The following LRRC27 variants were observed in gnomAD, a reference collection of about 807,000 sequenced individuals.
The protein encoded by LRRC27 is leucine rich repeat containing 27.
In LRRC27, 57 loss-of-function variants were observed where a neutral mutation model predicts 55.0. That is an observed-to-expected ratio of 1.04 (90% confidence interval 0.84 to 1.29). LRRC27 has a LOEUF of 1.29. LRRC27 is among the 50% of genes most tolerant of loss of function. LRRC27 has a pLI of 0.00. For missense variants in LRRC27, 721 were observed against 651.5 expected (o/e 1.11, Z -1.16); for synonymous variants, 278 against 251.9 (o/e 1.10, Z -0.98).
intron 10 of LRRC27, among the ~76,000 whole-genome samples, chr10:132,373,342 G>A (rs941681343): frequency 6.6e-6 from 1 of 152,160 alleles, no homozygotes; most frequent in Admixed American, 6.5e-5. Flanking sequence ...GGGAGAAGGT[G>A]CAGGAGGGCT....
rs920082317 is a variant in LRRC27 at position 132,360,625 on chromosome 10, G to A, written c.1171-832G>A. Among the ~76,000 whole-genome samples, 3 of 152,094 alleles carry A rather than the reference G, an allele frequency of 2.0e-5. No individual in the cohort carries two copies. The South Asian group carries it at 6.2e-4, about 32-fold the overall frequency. The stretch of plus-strand genomic sequence containing the variant: ...TCTGGTTGCCGAACACTTTCTAAGT[G>A]TCAGGCATGTACTAGGATTAAACTA... On this transcript the variant is annotated intron_variant, in intron 8 of 10. Transcript: ENST00000368614.
rs2069372047 is a variant in LRRC27 at position 132,378,795 on chromosome 10, C to T, written c.*3553C>T. 6.6e-6 allele frequency: 1 copy of T among 152,596 alleles called. No homozygotes were observed. The highest frequency in any genetic ancestry group is 1.5e-5 in the Non-Finnish European group (1 of 68,224). 9.5% of individuals were successfully genotyped at this position (152,596 alleles called of 1,614,324 possible). A position where few individuals can be genotyped will look rare whatever the true frequency, so the allele number is the denominator to read the frequency against. The stretch of plus-strand genomic sequence containing the variant: ...CCCAGGCCCTGAGCAGCGTGTCTTT[C>T]CTCGGCCGAGTCAGGCTTCCTGGTG... On this transcript the variant is annotated 3_prime_UTR_variant, in exon 11 of 11. Coordinates refer to ENST00000368614, the MANE Select transcript of LRRC27 (RefSeq NM_030626.3).
chr10:132,349,076 C>G (rs1438737177), intron 6 of LRRC27: 1 of 1,536,980 alleles, frequency 6.5e-7, no homozygotes, highest in Non-Finnish European at 8.9e-7. Flanking sequence ...CTGTGGTGTG[C>G]GTGTGTGTGC....
rs1246370839 is a variant in LRRC27, at chr10:132,372,427, G to A, written c.1417-2639G>A. ...ACTAAAAATACAAAAAATTAGCCGG[G>A]CACAGTGGTGTGCACCTGTAATCCC... On this transcript the variant is annotated intron_variant, in intron 10 of 10. Transcript: ENST00000368614. The surrounding 1 kb of genome is among the most constrained non-coding windows in gnomAD (Gnocchi z 4.0). 6.6e-6 allele frequency among the ~76,000 whole-genome samples: 1 copy of A among 152,212 alleles called. No homozygotes were observed. Among genetic ancestry groups the A allele is most frequent in the Non-Finnish European group, 1.5e-5 (1 of 68,040 alleles).
intron 10 of LRRC27, among the ~76,000 whole-genome samples, chr10:132,373,596 G>A (rs569608726): frequency 6.6e-5 from 10 of 152,344 alleles, no homozygotes; most frequent in African/African-American, 2.4e-4. Flanking sequence ...GACGTTTTCA[G>A]ATACGCAAAG....
Position 132,342,271 on chromosome 10 carries a change from G to A in LRRC27, c.400G>A (p.Gly134Arg), listed in dbSNP as rs200971214. 2.2e-5 allele frequency: 34 copies of A among 1,517,580 alleles called. No individual in the cohort carries two copies. The highest frequency in any genetic ancestry group is 2.6e-5 in the Non-Finnish European group (29 of 1,124,748). The allele number at this position is 1,517,580 out of a possible 1,614,324, so 94.0% of individuals were successfully genotyped here. ...TATCAAAATGTTACCTGTGGAGCTG[G>A]GTAAGTATAAAATAATAAAAAGATG... Reference protein sequence around the residue: ...NPIKMLPVELGSVTTLKALNL... With the variant: ...NPIKMLPVELRSVTTLKALNL... The change falls in exon 4 of 11, where the codon GGG becomes AGG. Residue 134 changes from glycine to arginine, a missense_variant and splice_region_variant. By Grantham distance (125) the Gly-to-Arg change is moderately radical. Transcript: ENST00000368614.
chr10:132,343,044 A>G (rs2067494076), intron 4 of LRRC27, among the ~76,000 whole-genome samples: 1 of 152,252 alleles, frequency 6.6e-6, no homozygotes, highest in African/African-American at 2.4e-5. Flanking sequence ...ATAGTGGCTC[A>G]TGCCTGTAAT....
intron 9 of LRRC27, among the ~76,000 whole-genome samples, chr10:132,364,514 CACTCGCACTTA>C (rs2068887403): frequency 7.6e-6 from 1 of 131,028 alleles, no homozygotes; most frequent in Non-Finnish European, 1.6e-5. Flanking sequence ...TCTACCTCCA[CACTCGCACTTA>C]CACCCACACT....
At chr10:132,337,828 C>A in intron 3 of LRRC27, 133 bp downstream of exon 3, 3 of 1,094,950 alleles carry the variant, frequency 2.7e-6, no homozygotes, top group Non-Finnish European at 3.8e-6. Context: ...ATTTTTAAAG[C>A]CAGCTAAGAG....
At chr10:132,362,859 C>G (rs376732232) in intron 9 of LRRC27, among the ~76,000 whole-genome samples, 1 of 141,852 alleles carries the variant, frequency 7.0e-6, no homozygotes, top group East Asian at 2.1e-4. Context: ...GTTCATGAAC[C>G]CTCTCACCTC....
chr10:132,353,072 C>T (rs1445709384), intron 7 of LRRC27: 1 of 1,527,270 alleles, frequency 6.5e-7, no homozygotes, highest in African/African-American at 1.4e-5. Context: ...CCTCCCTGGG[C>T]CCCAGGAGTC....
rs182247269 is a variant in LRRC27 at position 132,342,565 on chromosome 10, G to A, written c.400+294G>A. 1.8e-4 allele frequency among the ~76,000 whole-genome samples: 27 copies of A among 152,318 alleles called. 1 individual carries two copies. In the East Asian group the frequency reaches 4.4e-3, roughly 25 times the overall value. ...CCGCACACACCTCTGCAGGCCCTGC[G>A]TGCTGTCTCCGCTGCATCTCGCTGG... On this transcript the variant is annotated intron_variant, in intron 4 of 10. Coordinates refer to ENST00000368614, the MANE Select transcript of LRRC27 (RefSeq NM_030626.3).
intron 6 of LRRC27, among the ~76,000 whole-genome samples, chr10:132,349,367 T>C (rs1214371297): frequency 1.3e-5 from 2 of 152,184 alleles, no homozygotes; most frequent in African/African-American, 4.8e-5. Flanking sequence ...AGCTGTCCTG[T>C]AGGTTTGAAC....
rs1564839809 is a variant in LRRC27, at chr10:132,352,123, GCGC to G, written c.1073+371_1073+373del. ...ATGCTGAGGCCTCCGTGTGGGGCAGGCGCTGAGGCCTCCGTGTGGGGCAGGCGC... is the reference window on the plus strand; with the variant it reads ...ATGCTGAGGCCTCCGTGTGGGGCAGGTGAGGCCTCCGTGTGGGGCAGGCGC... On this transcript the variant is annotated intron_variant, in intron 7 of 10. Coordinates refer to ENST00000368614, the MANE Select transcript of LRRC27 (RefSeq NM_030626.3). Among the ~76,000 whole-genome samples, 9 of 51,618 alleles carry G rather than the reference GCGC, an allele frequency of 1.7e-4. No individual in the cohort carries two copies. The East Asian group carries it at 2.7e-3, about 15-fold the overall frequency. 33.9% of individuals were successfully genotyped at this position (51,618 alleles called of 152,430 possible).
At chr10:132,368,928 C>T (rs569355514) in intron 10 of LRRC27, among the ~76,000 whole-genome samples, 17 of 152,148 alleles carry the variant, frequency 1.1e-4, no homozygotes, top group African/African-American at 3.6e-4. Context: ...CTAAAATATA[C>T]CGAGAACTCT....
chr10:132,371,159 C>A (rs2069204046), intron 10 of LRRC27, among the ~76,000 whole-genome samples: 1 of 152,282 alleles, frequency 6.6e-6, no homozygotes, highest in Non-Finnish European at 1.5e-5. Flanking sequence ...TCCTTCAAGG[C>A]ATCTGCGCAG....
At chr10:132,363,643 A>G (rs938991218) in intron 9 of LRRC27, among the ~76,000 whole-genome samples, 42 of 152,164 alleles carry the variant, frequency 2.8e-4, no homozygotes, top group Admixed American at 2.6e-3. Flanking sequence ...TCTCACTGAA[A>G]GCGCCTCACT....
chr10:132,360,994 C>T (rs1395134670), intron 8 of LRRC27, among the ~76,000 whole-genome samples: 1 of 152,194 alleles, frequency 6.6e-6, no homozygotes, highest in Non-Finnish European at 1.5e-5. Context: ...CTAGCCTCCT[C>T]CTGCCTAGGT....
chr10:132,373,585 A>G (rs2069267638), intron 10 of LRRC27, among the ~76,000 whole-genome samples: 1 of 152,216 alleles, frequency 6.6e-6, no homozygotes, highest in African/African-American at 2.4e-5. Flanking sequence ...GCACACAATA[A>G]GACGTTTTCA....
Sources: gnomAD v4.1 joint callset for allele counts (sites outside exome capture counted in the v4.1 genomes callset) on GRCh38, gnomAD v4.1.1 for gene constraint, Gnocchi (gnomAD v3.1) non-coding constraint, MANE v1.5 for transcripts, NCBI Gene and HGNC (gene_info 2026-07-23, HGNC 2026-07-21) for gene names.